The following SH3BGR variants were observed in gnomAD, a reference collection of about 807,000 sequenced individuals.
The protein encoded by SH3BGR is SH3 domain-binding glutamic acid-rich protein.
A neutral mutation model predicts 24.5 loss-of-function variants in SH3BGR; 29 were observed. That is an observed-to-expected ratio of 1.18 (90% CI 0.88 to 1.61). The LOEUF (loss-of-function observed/expected upper bound fraction) is 1.61. Among genes scored for constraint, SH3BGR ranks in the 40% most tolerant of loss-of-function variants. The pLI is 0.00. For synonymous variants in SH3BGR, 55 were observed against 65.7 expected, an observed-to-expected ratio of 0.84 and a Z score of 0.79; for missense variants, 162 against 205.8, an observed-to-expected ratio of 0.79 and a Z score of 1.30.
chr21:39,458,228 G>A (rs1326985157), intron 1 of SH3BGR, among the ~76,000 whole-genome samples: 1 of 152,030 alleles, frequency 6.6e-6, no homozygotes, highest in African/African-American at 2.4e-5. Context: ...ATTTTTGTGA[G>A]TTGTTTTTAT....
chr21:39,485,625 T>G (rs1431669731), intron 3 of SH3BGR, among the ~76,000 whole-genome samples: 1 of 152,184 alleles, frequency 6.6e-6, no homozygotes, highest in Non-Finnish European at 1.5e-5. Context: ...ACCCATCTGC[T>G]TCTCAACAAA....
chr21:39,469,204 C>G (rs940290653), intron 2 of SH3BGR, among the ~76,000 whole-genome samples: 3 of 151,240 alleles, frequency 2.0e-5, no homozygotes, highest in African/African-American at 7.3e-5. Context: ...AGAGCCTCCC[C>G]CATTATCAAC....
chr21:39,466,772 T>C (rs947124959), intron 2 of SH3BGR, among the ~76,000 whole-genome samples: 5 of 152,220 alleles, frequency 3.3e-5, no homozygotes, highest in African/African-American at 1.2e-4. Context: ...GGGTCCCTTC[T>C]ATGAGACAGA....
At chr21:39,494,959 G>A (rs2078368437) in intron 3 of SH3BGR, among the ~76,000 whole-genome samples, 1 of 151,192 alleles carries the variant, frequency 6.6e-6, no homozygotes, top group East Asian at 2.0e-4. Flanking sequence ...ACTTATTTTT[G>A]TATTTGTCAT....
intron 3 of SH3BGR, among the ~76,000 whole-genome samples, chr21:39,478,439 A>C (rs2123402738): frequency 6.6e-6 from 1 of 152,208 alleles, no homozygotes; most frequent in East Asian, 1.9e-4. Flanking sequence ...TGTCTTTCCC[A>C]ATTCTGGGAG....
intron 1 of SH3BGR, among the ~76,000 whole-genome samples, chr21:39,461,262 G>A (rs866591160): frequency 3.3e-5 from 5 of 151,172 alleles, no homozygotes; most frequent in South Asian, 4.2e-4. Flanking sequence ...TCAGTCTCCC[G>A]AGTAGCTGGG....
intron 1 of SH3BGR, among the ~76,000 whole-genome samples, chr21:39,457,073 TA>T (rs1169103432): frequency 6.7e-6 from 1 of 148,176 alleles, no homozygotes; most frequent in Non-Finnish European, 1.5e-5. Context: ...ATATAAAATT[TA>T]AAAAAATTAA....
chr21:39,481,623 C>T (rs1417141849), intron 3 of SH3BGR, among the ~76,000 whole-genome samples: 1 of 152,134 alleles, frequency 6.6e-6, no homozygotes, highest in African/African-American at 2.4e-5. Context: ...TTAAAAAACT[C>T]ATTTGTCACA....
At chr21:39,477,173 A>G (rs191395374) in intron 3 of SH3BGR, among the ~76,000 whole-genome samples, 33 of 152,124 alleles carry the variant, frequency 2.2e-4, no homozygotes, top group African/African-American at 7.2e-4. Context: ...CCTTATTCCT[A>G]TATGTTTAAT....
intron 2 of SH3BGR, among the ~76,000 whole-genome samples, chr21:39,471,937 C>T (rs2077948244): frequency 6.6e-6 from 1 of 152,018 alleles, no homozygotes; most frequent in African/African-American, 2.4e-5. Flanking sequence ...ATTCTGTTTT[C>T]GAGTTTCTCT....
At chr21:39,514,347 C>CTAT (rs1198234839) in intron 6 of SH3BGR, among the ~76,000 whole-genome samples, 5 of 151,840 alleles carry the variant, frequency 3.3e-5, no homozygotes, top group Non-Finnish European at 7.4e-5. Flanking sequence ...GAGTCAGAAT[C>CTAT]TATTATTATT....
At chr21:39,450,443 G>A (rs1004245207), upstream of SH3BGR, among the ~76,000 whole-genome samples, 8 of 152,142 alleles carry the variant, frequency 5.3e-5, no homozygotes, top group East Asian at 7.7e-4. Flanking sequence ...GTCTTTTCTC[G>A]TTGCAGGCAC....
chr21:39,497,246 T>C (rs541833948), intron 3 of SH3BGR, among the ~76,000 whole-genome samples: 1 of 151,154 alleles, frequency 6.6e-6, no homozygotes, highest in South Asian at 2.1e-4. Context: ...TATATTATAG[T>C]AAATGACAAA....
In SH3BGR at chr21:39,514,238, A is replaced by G. The variant is rs540354148; in HGVS notation, c.*35-850A>G. 6.0e-4 allele frequency among the ~76,000 whole-genome samples: 91 copies of G among 152,330 alleles called. 1 individual carries two copies. The highest frequency in any genetic ancestry group is 2.0e-3 in the African/African-American group (82 of 41,586). On this transcript the variant is annotated intron_variant, in intron 6 of 6. Coordinates refer to ENST00000333634, the MANE Select transcript of SH3BGR (RefSeq NM_007341.3). ...CAAAAACAAACCCATCTCATAACTC[A>G]TAGATTATCCATGCATTTTATTTGA...
intron 2 of SH3BGR, among the ~76,000 whole-genome samples, chr21:39,474,600 CCACT>C (rs1402574227): frequency 6.6e-6 from 1 of 152,134 alleles, no homozygotes; most frequent in Non-Finnish European, 1.5e-5. Context: ...AGATTTCAAT[CCACT>C]ACCAAGTTTC....
chr21:39,474,419 G>T (rs184781071), intron 2 of SH3BGR, among the ~76,000 whole-genome samples: 3 of 152,302 alleles, frequency 2.0e-5, no homozygotes, highest in Non-Finnish European at 2.9e-5. Flanking sequence ...ATGAAGATTG[G>T]CAGTAATAAA....
chr21:39,479,983 A>G (rs1349659347), intron 3 of SH3BGR, among the ~76,000 whole-genome samples: 2 of 152,148 alleles, frequency 1.3e-5, no homozygotes, highest in African/African-American at 4.8e-5. Flanking sequence ...AGCCAAAGCA[A>G]ATATCTGTTT....
chr21:39,464,302 AACCTC>A (rs1319436306), intron 2 of SH3BGR, among the ~76,000 whole-genome samples: 6 of 152,178 alleles, frequency 3.9e-5, no homozygotes, highest in Non-Finnish European at 8.8e-5. Flanking sequence ...AGCTCACTGC[AACCTC>A]TACCTCCTGG....
At chr21:39,500,041 C>G (rs1259712082) in intron 4 of SH3BGR, 126 bp downstream of exon 4, 1 of 689,512 alleles carries the variant, frequency 1.5e-6, no homozygotes. Context: ...AGAGTTTAGC[C>G]AGGGAGGAAG....
Sources: gnomAD v4.1 joint callset for allele counts (sites outside exome capture counted in the v4.1 genomes callset) on GRCh38, gnomAD v4.1.1 for gene constraint, MANE v1.5 for transcripts, NCBI Gene and HGNC (gene_info 2026-07-23, HGNC 2026-07-21) for gene names.